The following ARHGAP44 variants were observed in gnomAD, a reference collection of about 807,000 sequenced individuals.
ARHGAP44 encodes Rho GTPase activating protein 44, also known as rho GTPase-activating protein 44.
Under a neutral mutation model 106.8 loss-of-function variants are expected in ARHGAP44, and 43 were observed. The ratio of observed to expected loss-of-function variants is 0.40; its 90% CI spans 0.32 to 0.52. The LOEUF is 0.52. Among genes scored for constraint, ARHGAP44 ranks in the 20% least tolerant of loss-of-function variants. ARHGAP44 has a pLI of 0.48. For synonymous variants in ARHGAP44, 439 were observed against 410.3 expected, an observed-to-expected ratio of 1.07 and a Z score of -0.85; for missense variants, 866 against 1,050.5, an observed-to-expected ratio of 0.82 and a Z score of 2.43.
At chr17:12,852,009 G>A (rs1227903717) in intron 1 of ARHGAP44, among the ~76,000 whole-genome samples, 1 of 151,132 alleles carries the variant, frequency 6.6e-6, no homozygotes, top group East Asian at 2.0e-4. Flanking sequence ...GAAGGGTTTA[G>A]GAATGAATTG....
intron 1 of ARHGAP44, among the ~76,000 whole-genome samples, chr17:12,885,510 G>A (rs73978267): frequency 6.7e-6 from 1 of 150,148 alleles, no homozygotes; most frequent in Non-Finnish European, 1.5e-5. Context: ...TATTCCATAT[G>A]GTCAAGAACT....
chr17:12,805,362 A>G (rs141894882), intron 1 of ARHGAP44, among the ~76,000 whole-genome samples: 6 of 152,308 alleles, frequency 3.9e-5, no homozygotes, highest in Non-Finnish European at 7.3e-5. Context: ...GCAGGTCTTT[A>G]TCAAGAGTGT....
intron 19 of ARHGAP44, among the ~76,000 whole-genome samples, chr17:12,983,323 C>T (rs1047550612): frequency 6.7e-6 from 1 of 150,340 alleles, no homozygotes; most frequent in East Asian, 2.0e-4. Context: ...CTCACTTAAG[C>T]CTAACAGGTT....
Position 12,974,037 on chromosome 17 carries a change from C to T in ARHGAP44, c.1542-52C>T, listed in dbSNP as rs2039600328. On this transcript the variant is annotated intron_variant, in intron 17 of 20. Coordinates refer to ENST00000379672, the MANE Select transcript of ARHGAP44 (RefSeq NM_014859.6). ...CTTGAATGTGGGGGAGGGAGCCTGTCTCCTGTCATCTGTTACGCGTGGGTA... is the reference window on the plus strand; with the variant it reads ...CTTGAATGTGGGGGAGGGAGCCTGTTTCCTGTCATCTGTTACGCGTGGGTA... 4 of 1,522,038 alleles carry T rather than the reference C, an allele frequency of 2.6e-6. No individual in the cohort carries two copies. The African/African-American group carries it at 5.5e-5, about 21-fold the overall frequency. 94.3% of individuals were successfully genotyped at this position (1,522,038 alleles called of 1,614,324 possible).
intron 1 of ARHGAP44, among the ~76,000 whole-genome samples, chr17:12,890,922 C>T (rs541123564): frequency 5.8e-4 from 89 of 152,192 alleles, no homozygotes; most frequent in African/African-American, 2.0e-3. Flanking sequence ...TCATTAAAAC[C>T]CTTGGGGATG....
intron 1 of ARHGAP44, among the ~76,000 whole-genome samples, chr17:12,799,330 A>G (rs976643137): frequency 7.9e-5 from 12 of 152,222 alleles, no homozygotes; most frequent in African/African-American, 2.9e-4. Context: ...CTTTAAGCTC[A>G]TGTGAATGTG....
intron 19 of ARHGAP44, 66 bp downstream of exon 19, chr17:12,980,299 C>G: frequency 6.7e-7 from 1 of 1,495,930 alleles, no homozygotes; most frequent in Non-Finnish European, 9.0e-7. Flanking sequence ...CCTGAAGGCT[C>G]GTTTTCCTCT....
At chr17:12,919,335 C>T (rs1311679452) in intron 5 of ARHGAP44, among the ~76,000 whole-genome samples, 1 of 151,952 alleles carries the variant, frequency 6.6e-6, no homozygotes, top group African/African-American at 2.4e-5. Context: ...GATTGCGAGA[C>T]CGCTAGTAAA....
intron 1 of ARHGAP44, among the ~76,000 whole-genome samples, chr17:12,883,557 T>C (rs1467565088): frequency 2.0e-5 from 3 of 151,918 alleles, no homozygotes; most frequent in Non-Finnish European, 4.4e-5. Flanking sequence ...AGTATTTTCA[T>C]TGTCTTTCAA....
At chr17:12,976,612 C>CAA (rs59099893) in intron 18 of ARHGAP44, among the ~76,000 whole-genome samples, 1,573 of 84,996 alleles carry the variant, frequency 0.019, 53 homozygotes, top group African/African-American at 0.049. Context: ...GACTCTGTGT[C>CAA]AAAAAAAAAA....
At chr17:12,822,735 C>T (rs1240182130) in intron 1 of ARHGAP44, among the ~76,000 whole-genome samples, 1 of 152,098 alleles carries the variant, frequency 6.6e-6, no homozygotes, top group East Asian at 1.9e-4. Context: ...TCCTGGCTGC[C>T]CTCCTTGCCT....
chr17:12,875,670 G>A (rs938711032), intron 1 of ARHGAP44, among the ~76,000 whole-genome samples: 4 of 152,028 alleles, frequency 2.6e-5, no homozygotes, highest in East Asian at 1.9e-4. Flanking sequence ...TAGGCTGGGC[G>A]CAGTGGCTCA....
At chr17:12,942,334 T>C (rs1030582216) in intron 8 of ARHGAP44, among the ~76,000 whole-genome samples, 1 of 151,918 alleles carries the variant, frequency 6.6e-6, no homozygotes, top group Non-Finnish European at 1.5e-5. Flanking sequence ...TTTAGTAGAG[T>C]TGTGGTTTCA....
chr17:12,926,251 G>T (rs1161792062), intron 6 of ARHGAP44, among the ~76,000 whole-genome samples: 1 of 151,762 alleles, frequency 6.6e-6, no homozygotes, highest in African/African-American at 2.4e-5. Flanking sequence ...TGTAATCCCA[G>T]CTACTCGGGA....
intron 1 of ARHGAP44, among the ~76,000 whole-genome samples, chr17:12,796,295 A>G (rs1272424475): frequency 2.0e-5 from 3 of 152,182 alleles, no homozygotes; most frequent in East Asian, 3.8e-4. Flanking sequence ...TTTGAAGGCT[A>G]TACAGTATTC....
At chr17:12,913,542 A>T (rs2037801876) in intron 4 of ARHGAP44, among the ~76,000 whole-genome samples, 6 of 152,226 alleles carry the variant, frequency 3.9e-5, no homozygotes, top group Admixed American at 3.9e-4. Flanking sequence ...CATTTTCTGT[A>T]ATGTTAATAG....
intron 6 of ARHGAP44, among the ~76,000 whole-genome samples, chr17:12,921,851 TGTAA>T (rs1217213458): frequency 6.6e-6 from 1 of 152,122 alleles, no homozygotes; most frequent in African/African-American, 2.4e-5. Flanking sequence ...AAGCTGATAC[TGTAA>T]GTAATTGTTG....
At chr17:12,933,102 A>T (rs1447191536) in intron 7 of ARHGAP44, among the ~76,000 whole-genome samples, 1 of 152,138 alleles carries the variant, frequency 6.6e-6, no homozygotes, top group Non-Finnish European at 1.5e-5. Context: ...TCTTCTGATT[A>T]TTCTTTTATT....
At chr17:12,893,597 T>C (rs1216704797) in intron 1 of ARHGAP44, among the ~76,000 whole-genome samples, 1 of 152,210 alleles carries the variant, frequency 6.6e-6, no homozygotes, top group African/African-American at 2.4e-5. Context: ...TCTCTGATGC[T>C]CCCACACTGA....
Sources: allele counts gnomAD v4.1 joint callset (sites outside exome capture counted in the v4.1 genomes callset), GRCh38; gene constraint gnomAD v4.1.1; transcripts MANE v1.5; gene names NCBI Gene and HGNC (gene_info 2026-07-23, HGNC 2026-07-21).